ARHGAP29: variants seen among roughly 807,000 people sequenced by gnomAD.
The protein encoded by ARHGAP29 is Rho GTPase activating protein 29.
In ARHGAP29, 43 loss-of-function variants were observed where a neutral mutation model predicts 122.6. The observed-to-expected ratio is 0.35, with a 90% CI of 0.27 to 0.45. ARHGAP29 has a LOEUF of 0.45. Ranked by LOEUF, ARHGAP29 falls within the 20% of genes least tolerant of loss-of-function variation. The pLI is 1.00. For synonymous variants in ARHGAP29, 506 were observed against 497.1 expected (o/e 1.02, Z -0.24); for missense variants, 1,303 against 1,477.2 (o/e 0.88, Z 1.93).
At chr1:94,259,959 A>G (rs1342981092) in intron 1 of ARHGAP29, among the ~76,000 whole-genome samples, 2 of 152,198 alleles carry the variant, frequency 1.3e-5, no homozygotes, top group Admixed American at 6.5e-5. Flanking sequence ...TCAGAGAGGA[A>G]AAGTGTCCTC....
the ARHGAP29 span, among the ~76,000 whole-genome samples, chr1:94,283,655 C>T: frequency 6.6e-6 from 1 of 152,128 alleles, no homozygotes; most frequent in African/African-American, 2.4e-5. Context: ...GTGGATGAAT[C>T]TGGAAGCAAT....
intron 12 of ARHGAP29, among the ~76,000 whole-genome samples, chr1:94,196,412 C>CT (rs1461605381): frequency 6.6e-6 from 1 of 150,922 alleles, no homozygotes; most frequent in Non-Finnish European, 1.5e-5. Flanking sequence ...CAGGCGCCCG[C>CT]TACCACGCCC....
At chr1:94,294,788 C>T in the ARHGAP29 span, among the ~76,000 whole-genome samples, 6 of 152,228 alleles carry the variant, frequency 3.9e-5, no homozygotes, top group African/African-American at 1.2e-4. Context: ...AAAATACTAA[C>T]GTTCAAGAGA....
chr1:94,211,037 C>T (rs1010700504), intron 3 of ARHGAP29, among the ~76,000 whole-genome samples: 2 of 151,902 alleles, frequency 1.3e-5, no homozygotes, highest in Non-Finnish European at 2.9e-5. Context: ...GTAATCCCAG[C>T]ACTTTGGGAG....
the ARHGAP29 span, among the ~76,000 whole-genome samples, chr1:94,292,094 A>G: frequency 6.6e-6 from 1 of 152,190 alleles, no homozygotes; most frequent in African/African-American, 2.4e-5. Context: ...TACACCATTC[A>G]AACGTAGATT....
intron 3 of ARHGAP29, among the ~76,000 whole-genome samples, chr1:94,216,597 A>T (rs1321356871): frequency 2.6e-5 from 4 of 152,200 alleles, no homozygotes; most frequent in Non-Finnish European, 5.9e-5. Context: ...CTATTAATAA[A>T]ATTAAGTTTT....
intron 2 of ARHGAP29, among the ~76,000 whole-genome samples, chr1:94,224,057 C>T (rs1652479727): frequency 6.6e-6 from 1 of 152,174 alleles, no homozygotes; most frequent in South Asian, 2.1e-4. Context: ...GATCCACCGG[C>T]CTTGGCCTCC....
chr1:94,257,410 C>CA (rs1004317664), intron 1 of ARHGAP29, among the ~76,000 whole-genome samples: 7 of 150,310 alleles, frequency 4.7e-5, no homozygotes, highest in South Asian at 2.1e-4. Flanking sequence ...CAAAAAACAA[C>CA]AAAAAAAAGA....
chr1:94,231,737 A>G, intron 1 of ARHGAP29, 94 bp from the exon 2 acceptor site: 3 of 896,174 alleles, frequency 3.3e-6, no homozygotes, highest in Non-Finnish European at 5.1e-6. Flanking sequence ...CTAGATTTTC[A>G]CAAACAGCCC....
rs559658613 is a variant in ARHGAP29, at chr1:94,172,522, T to G, written c.*1347A>C. On this transcript the variant is annotated 3_prime_UTR_variant, in exon 23 of 23. Transcript: ENST00000260526. ...ATGTATGATCCTAGGTGTTGACTTC[T>G]AAGCCAATGGTTAATAACCTTAAAC... The G allele has an allele frequency of 2.6e-5, 4 of 151,942 alleles. No homozygotes were observed. The highest frequency in any genetic ancestry group is 9.7e-5 in the African/African-American group (4 of 41,448). The allele number at this position is 151,942 out of a possible 1,614,324, so 9.4% of individuals were successfully genotyped here.
intron 3 of ARHGAP29, among the ~76,000 whole-genome samples, chr1:94,216,495 T>C (rs868371805): frequency 2.6e-4 from 39 of 152,154 alleles, no homozygotes; most frequent in African/African-American, 9.4e-4. Context: ...CTTATCTAGG[T>C]AAAGGAATGA....
intron 5 of ARHGAP29, 87 bp from the exon 6 acceptor site, chr1:94,205,770 G>C: frequency 8.8e-7 from 1 of 1,135,460 alleles, no homozygotes. Context: ...TTGTTACTCT[G>C]ACATAATTCC....
chr1:94,186,506 T>C lies in ARHGAP29; in HGVS notation c.1773A>G (p.Ser591=), dbSNP rs144875752. The change falls in exon 16 of 23, where the codon TCA becomes TCG. Residue 591 remains serine, a synonymous_variant. Transcript: ENST00000260526. Reference sequence around the variant, plus strand: ...TTCAGGTAAATACAATACCAGTTTCTGAAGGGGAAGGTGGCTCTCTTTCAT... The same window carrying C: ...TTCAGGTAAATACAATACCAGTTTCCGAAGGGGAAGGTGGCTCTCTTTCAT... ...DLDEREPPSP[S]ETGPNSLGTF... is the part of the protein sequence containing the mutation. 2.3e-4 allele frequency: 376 copies of C among 1,612,880 alleles called. 2 individuals are homozygous for C. In the Middle Eastern group the frequency reaches 3.6e-3, roughly 16 times the overall value.
chr1:94,181,534 C>A (rs1264996127), intron 19 of ARHGAP29, among the ~76,000 whole-genome samples: 2 of 152,118 alleles, frequency 1.3e-5, no homozygotes, highest in African/African-American at 4.8e-5. Context: ...CAAGGAAAGA[C>A]CCTTCTCTGG....
At chr1:94,204,113 C>T in intron 7 of ARHGAP29, 119 bp from the exon 8 acceptor site, 1 of 610,772 alleles carries the variant, frequency 1.6e-6, no homozygotes, top group Middle Eastern at 2.9e-4. Context: ...TAGTGTGTAT[C>T]AAGATATAAT....
intron 3 of ARHGAP29, among the ~76,000 whole-genome samples, chr1:94,219,359 T>G (rs1652144873): frequency 1.3e-5 from 2 of 152,138 alleles, no homozygotes; most frequent in South Asian, 4.1e-4. Context: ...ATCAGTCCTC[T>G]ACTTACTCTG....
the ARHGAP29 span, among the ~76,000 whole-genome samples, chr1:94,301,323 G>T: frequency 9.2e-5 from 14 of 152,278 alleles, no homozygotes; most frequent in East Asian, 2.5e-3. Flanking sequence ...AGCAAAAACG[G>T]GGAATCACGT....
At chr1:94,185,736 C>T (rs1649757418) in intron 16 of ARHGAP29, among the ~76,000 whole-genome samples, 1 of 152,056 alleles carries the variant, frequency 6.6e-6, no homozygotes, top group South Asian at 2.1e-4. Flanking sequence ...AATAACATGA[C>T]ATAACGTTTT....
At chr1:94,240,069 A>G (rs1653518144), upstream of ARHGAP29, among the ~76,000 whole-genome samples, 1 of 152,166 alleles carries the variant, frequency 6.6e-6, no homozygotes, top group South Asian at 2.1e-4. Context: ...AGGGAGCTCA[A>G]GGAAGCAAAG....
Sources: gnomAD v4.1 joint callset for allele counts (sites outside exome capture counted in the v4.1 genomes callset) on GRCh38, gnomAD v4.1.1 for gene constraint, MANE v1.5 for transcripts, NCBI Gene and HGNC (gene_info 2026-07-23, HGNC 2026-07-21) for gene names.